Variants in MGAT4C observed in about 807,000 individuals in gnomAD.
MGAT4C encodes MGAT4 family member C.
Under a neutral mutation model 40.1 loss-of-function variants are expected in MGAT4C, and 19 were observed. The observed-to-expected ratio is 0.47, with a 90% confidence interval of 0.33 to 0.70. The LOEUF (loss-of-function observed/expected upper bound fraction) is 0.70, where lower values mean the gene tolerates loss of function less well. Ranked by LOEUF, MGAT4C falls within the 30% of genes least tolerant of loss-of-function variation. The pLI, the probability that MGAT4C is intolerant of heterozygous loss-of-function variation, is 0.02. For synonymous variants in MGAT4C, 181 were observed against 187.1 expected, an observed-to-expected ratio of 0.97 and a Z score of 0.27; for missense variants, 491 against 563.2, an observed-to-expected ratio of 0.87 and a Z score of 1.30.
intron 2 of MGAT4C, among the ~76,000 whole-genome samples, chr12:86,513,388 A>G (rs1485354550): frequency 6.6e-6 from 1 of 152,118 alleles, no homozygotes; most frequent in Non-Finnish European, 1.5e-5. Context: ...TGATTTCTTC[A>G]TGTCTGAATG....
intron 1 of MGAT4C, among the ~76,000 whole-genome samples, chr12:86,255,124 G>A (rs930869646): frequency 6.6e-6 from 1 of 152,024 alleles, no homozygotes; most frequent in African/African-American, 2.4e-5. Context: ...TGATGAACAA[G>A]CCATTATTCA....
chr12:86,711,328 C>T (rs1231501999), intron 2 of MGAT4C, among the ~76,000 whole-genome samples: 1 of 152,006 alleles, frequency 6.6e-6, no homozygotes, highest in South Asian at 2.1e-4. Context: ...CCTGAGATGC[C>T]ATCTTAGCTG....
intron 3 of MGAT4C, among the ~76,000 whole-genome samples, chr12:86,336,293 C>T (rs1185343730): frequency 6.6e-6 from 1 of 152,150 alleles, no homozygotes; most frequent in Non-Finnish European, 1.5e-5. Flanking sequence ...AATCCTACCA[C>T]CTTGTGTTTC....
chr12:86,221,377 T>A (rs1391857609), intron 1 of MGAT4C, among the ~76,000 whole-genome samples: 1 of 152,112 alleles, frequency 6.6e-6, no homozygotes, highest in East Asian at 1.9e-4. Flanking sequence ...AAAAAGGAGA[T>A]AATATAAAGA....
In MGAT4C at chr12:85,976,118, G is replaced by C. The variant is rs568912897; in HGVS notation, c.*3171C>G. The C allele has an allele frequency of 1.3e-5, 2 of 150,928 alleles. No homozygotes were observed. The highest frequency in any genetic ancestry group is 3.9e-4 in the East Asian group (2 of 5,176). The allele number at this position is 150,928 out of a possible 1,614,324, so 9.3% of individuals were successfully genotyped here. A position where few individuals can be genotyped will look rare whatever the true frequency, so the allele number is the denominator to read the frequency against. On this transcript the variant is annotated 3_prime_UTR_variant, in exon 5 of 5. Coordinates refer to ENST00000611864, the MANE Select transcript of MGAT4C (RefSeq NM_001351288.2). Reference sequence around the variant, plus strand: ...TCATTTTTTATATAATTATTATACAGAACAGTTTTTCTATGATAGCATTAT... The same window carrying C: ...TCATTTTTTATATAATTATTATACACAACAGTTTTTCTATGATAGCATTAT...
intron 1 of MGAT4C, among the ~76,000 whole-genome samples, chr12:86,220,490 A>G (rs1208858642): frequency 6.6e-6 from 1 of 152,156 alleles, no homozygotes; most frequent in African/African-American, 2.4e-5. Context: ...GTGGTTTGTA[A>G]ATGAATTTAC....
intron 2 of MGAT4C, among the ~76,000 whole-genome samples, chr12:86,625,677 A>G (rs908687604): frequency 7.9e-5 from 12 of 152,194 alleles, no homozygotes; most frequent in African/African-American, 2.4e-4. Context: ...GACTAGTAAG[A>G]ATTACTCTAA....
intron 1 of MGAT4C, among the ~76,000 whole-genome samples, chr12:86,077,075 C>A (rs1869880127): frequency 6.6e-6 from 1 of 152,076 alleles, no homozygotes; most frequent in Admixed American, 6.6e-5. Flanking sequence ...AAGGGTGGGT[C>A]TGCCTTTCAC....
At chr12:86,021,423 T>C (rs1435873654) in intron 2 of MGAT4C, among the ~76,000 whole-genome samples, 2 of 151,482 alleles carry the variant, frequency 1.3e-5, no homozygotes, top group Non-Finnish European at 2.9e-5. Context: ...AAATGATGAG[T>C]TCATGTCCTT....
chr12:86,601,325 A>G (rs767980298), intron 2 of MGAT4C: 2 of 151,236 alleles, frequency 1.3e-5, no homozygotes, highest in African/African-American at 2.4e-5. Flanking sequence ...CTTTTGGCCA[A>G]TGGAATGGTG....
chr12:86,274,771 A>G (rs1339692506), intron 4 of MGAT4C, among the ~76,000 whole-genome samples: 2 of 152,236 alleles, frequency 1.3e-5, no homozygotes, highest in Non-Finnish European at 2.9e-5. Flanking sequence ...GAAACATAAT[A>G]CTGGGGTCAG....
rs1030809291 is a variant in MGAT4C, at chr12:86,347,289, G to A, written c.-119-13162C>T. Among the ~76,000 whole-genome samples, 5 of 152,144 alleles carry A rather than the reference G, an allele frequency of 3.3e-5. No homozygotes were observed. The East Asian group carries it at 9.7e-4, about 29-fold the overall frequency. On this transcript the variant is annotated intron_variant, in intron 3 of 7. Coordinates refer to the MGAT4C transcript ENST00000548651. ...CACATTAAGTCTAATTATAAAATAT[G>A]TAGTATTTCATCACTGAATTCATGA...
In MGAT4C at chr12:86,521,619, G is replaced by T. The variant is rs747967730; in HGVS notation, c.-228-86354C>A. On this transcript the variant is annotated intron_variant, in intron 2 of 7. Coordinates refer to the MGAT4C transcript ENST00000548651. ...GAATTTTTAATTTTTTTTCTAGTCT[G>T]TGAAGAGCATCATTGGTACTTTAAT... 4.9e-4 allele frequency among the ~76,000 whole-genome samples: 75 copies of T among 151,632 alleles called. 1 individual carries two copies. The highest frequency in any genetic ancestry group is 9.9e-4 in the Non-Finnish European group (67 of 67,850).
chr12:86,342,642 T>C (rs1954928791), intron 3 of MGAT4C, among the ~76,000 whole-genome samples: 1 of 152,172 alleles, frequency 6.6e-6, no homozygotes, highest in African/African-American at 2.4e-5. Flanking sequence ...GGTTTCACCA[T>C]GTTAGCCAGG....
chr12:86,073,376 A>T (rs531876197), intron 1 of MGAT4C, among the ~76,000 whole-genome samples: 7 of 152,134 alleles, frequency 4.6e-5, no homozygotes, highest in Non-Finnish European at 1.0e-4. Context: ...AATTGATACC[A>T]TAGATTGGGG....
chr12:86,317,318 G>A (rs1954264692), intron 4 of MGAT4C, among the ~76,000 whole-genome samples: 1 of 150,198 alleles, frequency 6.7e-6, no homozygotes, highest in East Asian at 1.9e-4. Context: ...AAAGAGGAAA[G>A]TCAAAAAATA....
At chr12:86,494,558 T>C (rs1162879967) in intron 2 of MGAT4C, among the ~76,000 whole-genome samples, 3 of 151,722 alleles carry the variant, frequency 2.0e-5, no homozygotes, top group Non-Finnish European at 4.4e-5. Flanking sequence ...TTTAGTTATG[T>C]GATTTCATGA....
At chr12:86,669,402 C>A (rs1038479208) in intron 2 of MGAT4C, among the ~76,000 whole-genome samples, 4 of 152,130 alleles carry the variant, frequency 2.6e-5, no homozygotes, top group African/African-American at 9.7e-5. Flanking sequence ...GCCTGAGTTG[C>A]CACCCCTCTC....
At chr12:86,575,679 G>A (rs4570656) in intron 2 of MGAT4C, among the ~76,000 whole-genome samples, 129,270 of 151,836 alleles carry the variant, frequency 0.85, 55,558 homozygotes, top group South Asian at 0.96. Context: ...AAGAGTCCAG[G>A]TATCTCATTG....
Sources: gnomAD v4.1 joint callset for allele counts (sites outside exome capture counted in the v4.1 genomes callset) on GRCh38, gnomAD v4.1.1 for gene constraint, MANE v1.5 for transcripts, NCBI Gene and HGNC (gene_info 2026-07-23, HGNC 2026-07-21) for gene names.